The following ARID4B variants were observed in gnomAD, a reference collection of about 807,000 sequenced individuals.
ARID4B encodes the protein AT-rich interactive domain-containing protein 4B.
Under a neutral mutation model 147.5 loss-of-function variants are expected in ARID4B, and 26 were observed. The ratio of observed to expected loss-of-function variants is 0.18; its 90% confidence interval spans 0.13 to 0.24. The LOEUF is 0.24. ARID4B is among the 10% of genes least tolerant of loss of function. ARID4B has a pLI of 1.00. For missense variants in ARID4B, 1,179 were observed against 1,511.5 expected (o/e 0.78, Z 3.65); for synonymous variants, 512 against 507.9 (o/e 1.01, Z -0.11).
intron 12 of ARID4B, 87 bp downstream of exon 12, chr1:235,224,616 T>C: frequency 2.2e-6 from 2 of 918,774 alleles, no homozygotes; most frequent in Non-Finnish European, 1.7e-6. Context: ...GACATAAAGT[T>C]CAGTAAACAA....
At chr1:235,206,743 T>C (rs991825644) in intron 17 of ARID4B, among the ~76,000 whole-genome samples, 4 of 152,068 alleles carry the variant, frequency 2.6e-5, no homozygotes, top group Non-Finnish European at 5.9e-5. Context: ...CTACAAAGGG[T>C]CACTAGTGTT....
chr1:235,249,747 C>G (rs1396883747), intron 6 of ARID4B, among the ~76,000 whole-genome samples: 1 of 151,516 alleles, frequency 6.6e-6, no homozygotes, highest in African/African-American at 2.4e-5. Flanking sequence ...CGAGGTCAGC[C>G]TGGCCAACAT....
chr1:235,259,155 T>C (rs558454189), intron 3 of ARID4B, among the ~76,000 whole-genome samples: 10 of 152,332 alleles, frequency 6.6e-5, no homozygotes, highest in African/African-American at 1.9e-4. Context: ...CACAAGGTAC[T>C]CTGTGCTATC....
chr1:235,317,532 T>C (rs1233902572), intron 2 of ARID4B, among the ~76,000 whole-genome samples: 1 of 152,236 alleles, frequency 6.6e-6, no homozygotes, highest in African/African-American at 2.4e-5. Context: ...TATGGTAAGG[T>C]GAACATGAAG....
chr1:235,236,896 A>G (rs1373063104), intron 8 of ARID4B, among the ~76,000 whole-genome samples: 1 of 59,236 alleles, frequency 1.7e-5, no homozygotes. Flanking sequence ...TTTTGAGATA[A>G]AAGTCTTGCT....
chr1:235,197,404 C>G (rs1440804571), intron 17 of ARID4B, among the ~76,000 whole-genome samples: 2 of 152,232 alleles, frequency 1.3e-5, no homozygotes, highest in East Asian at 3.8e-4. Flanking sequence ...TATTCTTACT[C>G]TAGCATAGGC....
At chr1:235,317,871 C>T (rs1674543076) in intron 2 of ARID4B, among the ~76,000 whole-genome samples, 1 of 152,154 alleles carries the variant, frequency 6.6e-6, no homozygotes, top group African/African-American at 2.4e-5. Context: ...TTGGTGGCCA[C>T]TTGCCACAAC....
chr1:235,234,967 T>C (rs1026111860), intron 8 of ARID4B, among the ~76,000 whole-genome samples: 28 of 152,216 alleles, frequency 1.8e-4, no homozygotes, highest in East Asian at 1.2e-3. Context: ...AAATCTACTT[T>C]GGCTGCTATG....
chr1:235,199,115 A>C (rs1160791259), intron 17 of ARID4B, among the ~76,000 whole-genome samples: 4 of 152,172 alleles, frequency 2.6e-5, no homozygotes, highest in Admixed American at 1.3e-4. Flanking sequence ...CAAAACAAAA[A>C]AAATTCTCAT....
At chr1:235,201,477 C>T (rs777250035) in intron 17 of ARID4B, among the ~76,000 whole-genome samples, 1 of 152,086 alleles carries the variant, frequency 6.6e-6, no homozygotes, top group Non-Finnish European at 1.5e-5. Context: ...GCATTCACCA[C>T]CACACCTGGA....
intron 2 of ARID4B, among the ~76,000 whole-genome samples, chr1:235,272,394 G>A (rs1671049211): frequency 6.6e-6 from 1 of 152,098 alleles, no homozygotes; most frequent in Non-Finnish European, 1.5e-5. Flanking sequence ...CCTACATATA[G>A]AAGAAATTCA....
chr1:235,270,276 C>T (rs1056772851), intron 2 of ARID4B, among the ~76,000 whole-genome samples: 30 of 152,196 alleles, frequency 2.0e-4, no homozygotes, highest in African/African-American at 7.0e-4. Context: ...GAGAGAGACT[C>T]CGTCTCAAAA....
chr1:235,285,671 CATG>C (rs1284863550), intron 2 of ARID4B, among the ~76,000 whole-genome samples: 4 of 152,216 alleles, frequency 2.6e-5, no homozygotes, highest in Non-Finnish European at 5.9e-5. Context: ...TTACTGACAA[CATG>C]ATCCGCTACC....
chr1:235,279,109 C>T (rs1671511200), intron 2 of ARID4B, among the ~76,000 whole-genome samples: 1 of 152,046 alleles, frequency 6.6e-6, no homozygotes, highest in African/African-American at 2.4e-5. Context: ...AATGCAAATT[C>T]CCAGGCACCG....
In ARID4B at chr1:235,182,163, C is replaced by A; in HGVS notation, c.2756G>T (p.Ser919Ile). ...GACATCTTTTCGATCTTTGGCCCTG[C>A]TGTTTTGAAGTCTTTCATCAGAGTT... is the stretch of plus-strand genomic sequence containing the variant. ...LNNSDERLQNSRAKDRKDVWS... is the reference protein window; with the variant it reads ...LNNSDERLQNIRAKDRKDVWS... Residue 919 changes from serine (S) to isoleucine (I), a missense_variant, in exon 20 of 24, where the codon AGC becomes ATC. Transcript: ENST00000264183. 1 of 1,614,214 alleles carries A rather than the reference C, an allele frequency of 6.2e-7. No homozygotes were observed. Among genetic ancestry groups the A allele is most frequent in the Non-Finnish European group, 8.5e-7 (1 of 1,180,030 alleles).
intron 8 of ARID4B, among the ~76,000 whole-genome samples, chr1:235,236,096 T>A (rs1668536219): frequency 6.6e-6 from 1 of 152,102 alleles, no homozygotes; most frequent in Admixed American, 6.5e-5. Context: ...CCCAGTTAAC[T>A]GTTTTCTTAT....
At chr1:235,236,833 A>ATATATATATATATATATAT (rs1668597409) in intron 8 of ARID4B, among the ~76,000 whole-genome samples, 4 of 33,522 alleles carry the variant, frequency 1.2e-4, no homozygotes, top group African/African-American at 6.0e-4. Flanking sequence ...TTTTATAAAA[A>ATATATATATATATATATAT]ATATATATAT....
chr1:235,236,663 G>A (rs1385743647), intron 8 of ARID4B, among the ~76,000 whole-genome samples: 11 of 145,722 alleles, frequency 7.5e-5, no homozygotes, highest in Non-Finnish European at 3.0e-5. Flanking sequence ...ATAGGCTCCC[G>A]CCACCATGCT....
chr1:235,324,294 TTCC>T (rs1428050579), intron 2 of ARID4B, among the ~76,000 whole-genome samples: 15 of 152,186 alleles, frequency 9.9e-5, no homozygotes, highest in African/African-American at 3.4e-4. Flanking sequence ...ACAGCACAAA[TTCC>T]TTATGTATTA....
Sources: allele counts gnomAD v4.1 joint callset (sites outside exome capture counted in the v4.1 genomes callset), GRCh38; gene constraint gnomAD v4.1.1; transcripts MANE v1.5; gene names NCBI Gene and HGNC (gene_info 2026-07-23, HGNC 2026-07-21).